CNIH3: variants seen among roughly 807,000 people sequenced by gnomAD.
The protein encoded by CNIH3 is cornichon family AMPA receptor auxiliary protein 3.
A neutral mutation model predicts 24.1 loss-of-function variants in CNIH3; 14 were observed. The observed-to-expected ratio is 0.58, with a 90% CI of 0.38 to 0.91. The LOEUF (loss-of-function observed/expected upper bound fraction) is 0.91. Ranked by LOEUF, CNIH3 falls within the 40% of genes least tolerant of loss-of-function variation. CNIH3 has a pLI of 0.00. For missense variants in CNIH3, 178 were observed against 196.8 expected, an observed-to-expected ratio of 0.90 and a Z score of 0.57; for synonymous variants, 68 against 73.8, an observed-to-expected ratio of 0.92 and a Z score of 0.40.
chr1:224,548,536 A>G (rs887264281), intron 3 of CNIH3, among the ~76,000 whole-genome samples: 2 of 151,978 alleles, frequency 1.3e-5, no homozygotes, highest in Non-Finnish European at 2.9e-5. Flanking sequence ...ATTACATTTA[A>G]TATCACTGTC....
At chr1:224,443,715 T>A (rs866616437) in intron 1 of CNIH3, among the ~76,000 whole-genome samples, 56 of 150,980 alleles carry the variant, frequency 3.7e-4, no homozygotes, top group African/African-American at 1.4e-3. Flanking sequence ...ATATATATTT[T>A]TTTAGGCTGC....
chr1:224,704,954 T>C lies in CNIH3; in HGVS notation c.198+20111T>C, dbSNP rs1171521751. On this transcript the variant is annotated intron_variant, in intron 3 of 5. Coordinates refer to ENST00000272133, the MANE Select transcript of CNIH3 (RefSeq NM_152495.2). This position sits in a 1 kb window ranked among gnomAD's most constrained non-coding sequence, Gnocchi z 4.2. ...ATGAAACCCCGTCTCTAGTAAAAAA[T>C]ACAAAAATTAGCTGGGCATGGTGGC... Among the ~76,000 whole-genome samples, 1 of 151,684 alleles carries C rather than the reference T, an allele frequency of 6.6e-6. No individual in the cohort carries two copies. Among genetic ancestry groups the C allele is most frequent in the Non-Finnish European group, 1.5e-5 (1 of 67,932 alleles).
At chr1:224,521,857 CT>C (rs912420811) in intron 2 of CNIH3, among the ~76,000 whole-genome samples, 5 of 151,908 alleles carry the variant, frequency 3.3e-5, no homozygotes, top group African/African-American at 1.2e-4. Flanking sequence ...TTATTTTTTT[CT>C]TTTGTATGTA....
intron 3 of CNIH3, among the ~76,000 whole-genome samples, chr1:224,709,530 AG>A (rs1362405899): frequency 6.6e-6 from 1 of 152,158 alleles, no homozygotes; most frequent in Non-Finnish European, 1.5e-5. Flanking sequence ...AGAGTATTGA[AG>A]AGGGGTGGGC....
chr1:224,498,686 G>A (rs1482730598), intron 1 of CNIH3, among the ~76,000 whole-genome samples: 1 of 152,218 alleles, frequency 6.6e-6, no homozygotes, highest in Non-Finnish European at 1.5e-5. Context: ...AGGTGGGAGT[G>A]TGCCTGTGGG....
intron 1 of CNIH3, among the ~76,000 whole-genome samples, chr1:224,461,218 G>C (rs1675900750): frequency 6.6e-6 from 1 of 151,926 alleles, no homozygotes; most frequent in Non-Finnish European, 1.5e-5. Context: ...GGCCAAGCTG[G>C]TTTCGAACAC....
intron 1 of CNIH3, among the ~76,000 whole-genome samples, chr1:224,622,620 G>A (rs1248214305): frequency 1.3e-5 from 2 of 152,238 alleles, no homozygotes; most frequent in Non-Finnish European, 2.9e-5. Flanking sequence ...CAACTGTTTG[G>A]TGAGGTTTCA....
At chr1:224,601,229 C>A (rs992520309) in intron 3 of CNIH3, among the ~76,000 whole-genome samples, 2 of 152,268 alleles carry the variant, frequency 1.3e-5, no homozygotes, top group Admixed American at 6.5e-5. Flanking sequence ...CTGAGGCTTC[C>A]CTTGGGTTGG....
intron 4 of CNIH3, among the ~76,000 whole-genome samples, chr1:224,567,033 T>C (rs1680610214): frequency 6.6e-6 from 1 of 152,224 alleles, no homozygotes; most frequent in Non-Finnish European, 1.5e-5. Flanking sequence ...GCATCAGTTG[T>C]TTCCTGACTT....
chr1:224,679,852 G>A (rs1686315202), intron 1 of CNIH3, among the ~76,000 whole-genome samples: 1 of 152,154 alleles, frequency 6.6e-6, no homozygotes, highest in African/African-American at 2.4e-5. Context: ...AAATGTTCAG[G>A]GACCCCTGGG....
Position 224,496,415 on chromosome 1 carries a change from C to T in CNIH3, n.204-19326C>T, listed in dbSNP as rs184427066. 1.1e-4 allele frequency among the ~76,000 whole-genome samples: 16 copies of T among 152,298 alleles called. No individual in the cohort carries two copies. In the East Asian group the frequency reaches 2.7e-3, roughly 26 times the overall value. On this transcript the variant is annotated intron_variant and non_coding_transcript_variant, in intron 1 of 5. Coordinates refer to the CNIH3 transcript ENST00000471578. ...ATGACACCCCTTCTGCTACCACCAT[C>T]GCTCCTGCTGCTGCTGGGGCCTCCA...
At chr1:224,539,260 T>G (rs1679418364), downstream of CNIH3, among the ~76,000 whole-genome samples, 1 of 152,228 alleles carries the variant, frequency 6.6e-6, no homozygotes, top group Non-Finnish European at 1.5e-5. Context: ...CTCAGTCGTC[T>G]TCCATTTCTT....
At chr1:224,552,525 A>C (rs970088225) in intron 3 of CNIH3, among the ~76,000 whole-genome samples, 29 of 151,522 alleles carry the variant, frequency 1.9e-4, no homozygotes, top group Non-Finnish European at 1.6e-4. Flanking sequence ...TATCTCCCTT[A>C]GATATTAGGA....
rs1406078082 is a variant in CNIH3 at position 224,544,679 on chromosome 1, G to C, written n.340-2150G>C. Among the ~76,000 whole-genome samples the C allele has an allele frequency of 3.3e-5, 5 of 152,298 alleles. No individual in the cohort carries two copies. The East Asian group carries it at 9.7e-4, about 29-fold the overall frequency. The stretch of plus-strand genomic sequence containing the variant: ...CACCAGAGCCCATGACCGCTGTGCT[G>C]CTGAGGCTGCTGCTGATGGAACTTG... On this transcript the variant is annotated intron_variant and non_coding_transcript_variant, in intron 2 of 5. Transcript: ENST00000471578.
intron 1 of CNIH3, among the ~76,000 whole-genome samples, chr1:224,639,418 T>C (rs1379442490): frequency 6.6e-6 from 1 of 152,146 alleles, no homozygotes; most frequent in East Asian, 1.9e-4. Context: ...AGCTTGAAAA[T>C]AATGGAAAGT....
intron 3 of CNIH3, among the ~76,000 whole-genome samples, chr1:224,562,253 C>G (rs1680403842): frequency 6.6e-6 from 1 of 152,202 alleles, no homozygotes; most frequent in Non-Finnish European, 1.5e-5. Flanking sequence ...TCCTATTTGA[C>G]TCTCCTTTCC....
intron 3 of CNIH3, among the ~76,000 whole-genome samples, chr1:224,602,932 A>G (rs952339477): frequency 6.6e-6 from 1 of 152,224 alleles, no homozygotes; most frequent in African/African-American, 2.4e-5. Flanking sequence ...ACAGGTCTCA[A>G]TAAATTTAGA....
chr1:224,589,034 C>T (rs150518322), downstream of CNIH3, among the ~76,000 whole-genome samples: 156 of 148,322 alleles, frequency 1.1e-3, no homozygotes, highest in African/African-American at 3.6e-3. Context: ...CAGATCCCTG[C>T]GAGAATGGAT....
intron 3 of CNIH3, among the ~76,000 whole-genome samples, chr1:224,605,996 G>T (rs1004668910): frequency 6.6e-6 from 1 of 152,148 alleles, no homozygotes; most frequent in Admixed American, 6.5e-5. Flanking sequence ...GGGGTGACTC[G>T]TTTACTCAGC....
Sources: allele counts gnomAD v4.1 joint callset (sites outside exome capture counted in the v4.1 genomes callset), GRCh38; gene constraint gnomAD v4.1.1; non-coding constraint Gnocchi (gnomAD v3.1); transcripts MANE v1.5; gene names NCBI Gene and HGNC (gene_info 2026-07-23, HGNC 2026-07-21).